The following NOBOX variants were observed in gnomAD, a reference collection of about 807,000 sequenced individuals.
NOBOX encodes NOBOX oogenesis homeobox, also known as homeobox protein NOBOX.
A neutral mutation model predicts 60.2 loss-of-function variants in NOBOX; 46 were observed. The observed-to-expected ratio is 0.76, with a 90% confidence interval of 0.60 to 0.98. The LOEUF is 0.98. Ranked by LOEUF, NOBOX falls within the 50% of genes least tolerant of loss-of-function variation. NOBOX has a pLI of 0.00. For synonymous variants in NOBOX, 360 were observed against 346.3 expected (o/e 1.04, Z -0.44); for missense variants, 880 against 865.5 (o/e 1.02, Z -0.21).
At chr7:144,402,300 A>G (rs542698897) in intron 2 of NOBOX, among the ~76,000 whole-genome samples, 2 of 152,008 alleles carry the variant, frequency 1.3e-5, no homozygotes, top group African/African-American at 4.8e-5. Flanking sequence ...CTAGAACTAA[A>G]AACCCTACCA....
Position 144,399,810 on chromosome 7 carries a change from C to T in NOBOX, c.1101G>A (p.Gly367=). 6.2e-7 allele frequency: 1 copy of T among 1,613,004 alleles called. No homozygotes were observed. The highest frequency in any genetic ancestry group is 8.5e-7 in the Non-Finnish European group (1 of 1,179,256). ...CTGCAGGATTGTCCTTGCTTTCTTT[C>T]CCATTCAGTTTCTCCATTTTTCGCC... The change falls in exon 6 of 10, where the codon GGG becomes GGA. Residue 367 remains glycine (G), a synonymous_variant. Transcript: ENST00000467773.
intron 2 of NOBOX, among the ~76,000 whole-genome samples, chr7:144,403,226 G>T (rs2053955759): frequency 6.6e-6 from 1 of 152,156 alleles, no homozygotes; most frequent in Non-Finnish European, 1.5e-5. Context: ...GGCTGGTGGT[G>T]TGGGGAAGCA....
intron 2 of NOBOX, chr7:144,402,060 A>G: frequency 1.3e-6 from 1 of 776,150 alleles, no homozygotes; most frequent in South Asian, 1.7e-5. Context: ...TGGAGAAGGG[A>G]CAAGAAAGGA....
Position 144,398,510 on chromosome 7 carries a change from G to T in NOBOX, c.1546C>A (p.Pro516Thr). The T allele has an allele frequency of 6.5e-7, 1 of 1,536,672 alleles. No homozygotes were observed. Among genetic ancestry groups the T allele is most frequent in the Non-Finnish European group, 8.7e-7 (1 of 1,146,696 alleles). ...TGTGGAGCCTGGGAGAACTGGAAGGGTCCTGGCTGGTTGCTCTGTTGGTAA... is the reference window on the plus strand; with the variant it reads ...TGTGGAGCCTGGGAGAACTGGAAGGTTCCTGGCTGGTTGCTCTGTTGGTAA... Residue 516 changes from proline to threonine, a missense_variant, in exon 9 of 10, where the codon CCC (proline) becomes ACC (threonine). Pro to Thr is a conservative substitution (Grantham distance 38, BLOSUM62 -1). Transcript: ENST00000467773.
downstream of NOBOX, chr7:144,397,203 C>T (rs2053898607): frequency 6.7e-7 from 1 of 1,496,050 alleles, no homozygotes; most frequent in Non-Finnish European, 8.9e-7. Flanking sequence ...AATCCTATCC[C>T]ACCCAAGCAG....
chr7:144,403,930 C>G (rs1054962722), intron 2 of NOBOX, among the ~76,000 whole-genome samples: 1 of 152,020 alleles, frequency 6.6e-6, no homozygotes, highest in African/African-American at 2.4e-5. Context: ...CTGCTCCGCT[C>G]CCCCCAGCCA....
At chr7:144,403,588 C>T (rs989718781) in intron 2 of NOBOX, 69 bp downstream of exon 1, 12 of 531,912 alleles carry the variant, frequency 2.3e-5, no homozygotes, top group Non-Finnish European at 3.6e-5. Flanking sequence ...ACCTGGTGAT[C>T]ACAGGCCTCC....
chr7:144,400,181 C>CCA lies in NOBOX; in HGVS notation c.974_975dup (p.Ala326TrpfsTer23), dbSNP rs1563128340. On this transcript the variant is annotated frameshift_variant, in exon 5 of 10. Transcript: ENST00000467773. LOFTEE classifies it high-confidence loss of function. Reference sequence around the variant, plus strand: ...GTGGGCCCTCCGCCACTCCACCCTGCCACCAGTGAGCCGGCCCCCTTTACC... The same window carrying CCA: ...GTGGGCCCTCCGCCACTCCACCCTGCCACACCAGTGAGCCGGCCCCCTTTACC... 4 of 1,613,920 alleles carry CCA rather than the reference C, an allele frequency of 2.5e-6. No homozygotes were observed. Among genetic ancestry groups the CCA allele is most frequent in the Non-Finnish European group, 3.4e-6 (4 of 1,179,904 alleles).
chr7:144,404,740 T>C, intron 1 of NOBOX: 1 of 1,597,530 alleles, frequency 6.3e-7, no homozygotes, highest in African/African-American at 1.3e-5. Context: ...TTTTATTCTC[T>C]GAGAATGGAA....
intron 1 of NOBOX, among the ~76,000 whole-genome samples, chr7:144,408,722 A>C (rs760325662): frequency 2.0e-5 from 3 of 152,190 alleles, no homozygotes; most frequent in Non-Finnish European, 2.9e-5. Context: ...GGCATAGTGA[A>C]TCCCGCATGG....
At position 144,397,299 on chromosome 7, in the gene NOBOX, C is replaced by G. The variant is rs1261216339; in HGVS notation, c.2017G>C (p.Asp673His). Residue 673 changes from aspartate to histidine, a missense_variant, in exon 10 of 10, where the codon GAT becomes CAT. Transcript: ENST00000467773. ...GCCTCCTCCAGTGCTGAGGGCTGATCCAGGGAAGCAGCTGGTGGTTCCTCT... is the reference window on the plus strand; with the variant it reads ...GCCTCCTCCAGTGCTGAGGGCTGATGCAGGGAAGCAGCTGGTGGTTCCTCT... The G allele has an allele frequency of 1.3e-6, 2 of 1,537,162 alleles. No individual in the cohort carries two copies. Among genetic ancestry groups the G allele is most frequent in the South Asian group, 1.2e-5 (1 of 84,066 alleles).
chr7:144,403,401 C>CA (rs1435417790), intron 2 of NOBOX, among the ~76,000 whole-genome samples: 4 of 152,056 alleles, frequency 2.6e-5, no homozygotes, highest in Middle Eastern at 3.2e-3. Context: ...CTGGGGCTCC[C>CA]AGGGTTCTCT....
chr7:144,400,931 T>C (rs947974475), intron 4 of NOBOX, 115 bp downstream of exon 2: 3 of 811,272 alleles, frequency 3.7e-6, no homozygotes, highest in African/African-American at 3.4e-5. Context: ...CGGGACGAAG[T>C]GACATACAAA....
Position 144,399,183 on chromosome 7 carries a change from G to A in NOBOX, c.1241-5C>T. ...AAGTCAGCAGCATGGGGGGCTCTAGGAACAGAAGGCAAAGAGGTGCTATAA... is the reference window on the plus strand; with the variant it reads ...AAGTCAGCAGCATGGGGGGCTCTAGAAACAGAAGGCAAAGAGGTGCTATAA... On this transcript the variant is annotated splice_region_variant and splice_polypyrimidine_tract_variant and intron_variant, in intron 7 of 9. Transcript: ENST00000467773. 6.8e-7 allele frequency: 1 copy of A among 1,462,168 alleles called. No individual in the cohort carries two copies. The highest frequency in any genetic ancestry group is 2.3e-5 in the East Asian group (1 of 43,916). 90.6% of individuals were successfully genotyped at this position (1,462,168 alleles called of 1,614,324 possible).
At position 144,406,298 on chromosome 7, in the gene NOBOX, C is replaced by T. The variant is rs904324117; in HGVS notation, c.86-1618G>A. 2.6e-5 allele frequency among the ~76,000 whole-genome samples: 4 copies of T among 152,256 alleles called. No homozygotes were observed. The Middle Eastern group carries it at 0.01, about 388-fold the overall frequency. ...TCCAGCGGGGCACAGTGGCTCATGC[C>T]TGTAATCCCAGCACGTTGGGAGGCC... On this transcript the variant is annotated intron_variant, in intron 1 of 9. Transcript: ENST00000467773.
Position 144,401,021 on chromosome 7 carries a change from C to T in NOBOX, c.844+25G>A, listed in dbSNP as rs370098447. 4.2e-4 allele frequency: 617 copies of T among 1,484,732 alleles called. 1 individual carries two copies. Among genetic ancestry groups the T allele is most frequent in the Admixed American group, 8.7e-4 (38 of 43,478 alleles). The allele number at this position is 1,484,732 out of a possible 1,614,324, so 92.0% of individuals were successfully genotyped here. Reference sequence around the variant, plus strand: ...TCCCCAGGATGACCCCAGATCTCTTCGGTTTCCTCTCTTTAGGGACTTACC... The same window carrying T: ...TCCCCAGGATGACCCCAGATCTCTTTGGTTTCCTCTCTTTAGGGACTTACC... On this transcript the variant is annotated intron_variant, in intron 4 of 9. Transcript: ENST00000467773. The surrounding 1 kb of genome is among the most constrained non-coding windows in gnomAD (Gnocchi z 4.2).
Position 144,401,530 on chromosome 7 carries a change from G to A in NOBOX, c.360C>T (p.Ala120=). 6.6e-7 allele frequency: 1 copy of A among 1,518,552 alleles called. No homozygotes were observed. The highest frequency in any genetic ancestry group is 8.8e-7 in the Non-Finnish European group (1 of 1,138,222). 94.1% of individuals were successfully genotyped at this position (1,518,552 alleles called of 1,614,324 possible). A position where few individuals can be genotyped will look rare whatever the true frequency, so the allele number is the denominator to read the frequency against. Residue 120 remains alanine (A), a synonymous_variant, in exon 4 of 10, where the codon GCC becomes GCT. Coordinates refer to ENST00000467773, the MANE Select transcript of NOBOX (RefSeq NM_001080413.3). The surrounding 1 kb of genome is among the most constrained non-coding windows in gnomAD (Gnocchi z 4.2). ...CACTCTGAGTGTCCTGAGCATGAGG[G>A]GCTGAGCCCCGGAGCAGTTCCTCCT... is the stretch of plus-strand genomic sequence containing the variant.
At position 144,401,928 on chromosome 7, in the gene NOBOX, A is replaced by T. The variant is rs2053942995; in HGVS notation, c.233T>A (p.Ile78Lys). 1 of 1,612,448 alleles carries T rather than the reference A, an allele frequency of 6.2e-7. No homozygotes were observed. Residue 78 changes from isoleucine (I) to lysine (K), a missense_variant, in exon 3 of 10, where the codon ATA (isoleucine) becomes AAA (lysine). Physicochemically the swap from Ile to Lys is moderately radical, Grantham distance 102 (BLOSUM62 -3). Transcript: ENST00000467773. The surrounding 1 kb of genome is among the most constrained non-coding windows in gnomAD (Gnocchi z 4.2). ...TATGAGTTTGAGGGACTGTTCAGGT[A>T]TCTCTAAGGGATCATGTTGGGGCTG... is the stretch of plus-strand genomic sequence containing the variant.
intron 4 of NOBOX, 25 bp from the exon 3 acceptor site, chr7:144,400,337 A>T: frequency 1.2e-6 from 2 of 1,605,176 alleles, no homozygotes; most frequent in Non-Finnish European, 1.7e-6. Context: ...AACTTGTGTG[A>T]GGAGGACAAA....
Sources: gnomAD v4.1 joint callset for allele counts (sites outside exome capture counted in the v4.1 genomes callset) on GRCh38, gnomAD v4.1.1 for gene constraint, Gnocchi (gnomAD v3.1) non-coding constraint, MANE v1.5 for transcripts, NCBI Gene and HGNC (gene_info 2026-07-23, HGNC 2026-07-21) for gene names.